Variants in RGS13 observed in about 807,000 individuals in gnomAD.
The protein encoded by RGS13 is regulator of G-protein signalling 13.
A neutral mutation model predicts 19.9 loss-of-function variants in RGS13; 14 were observed. The observed-to-expected ratio is 0.70, with a 90% CI of 0.46 to 1.10. The LOEUF (loss-of-function observed/expected upper bound fraction) is 1.10, where lower values mean the gene tolerates loss of function less well. Among genes scored for constraint, RGS13 ranks in the 50% least tolerant of loss-of-function variants. The pLI is 0.00. For missense variants in RGS13, 205 were observed against 187.1 expected (o/e 1.10, Z -0.56); for synonymous variants, 60 against 56.8 (o/e 1.06, Z -0.25).
At chr1:192,656,221 T>C (rs1434866070) in intron 5 of RGS13, among the ~76,000 whole-genome samples, 1 of 152,104 alleles carries the variant, frequency 6.6e-6, no homozygotes, top group East Asian at 1.9e-4. Flanking sequence ...TGACAGACTC[T>C]CATTCCATGA....
chr1:192,658,815 A>G (rs1663494485), intron 6 of RGS13: 1 of 164,728 alleles, frequency 6.1e-6, no homozygotes, highest in Admixed American at 5.9e-5. Context: ...GTACAGGGCA[A>G]GCCTACATTG....
At chr1:192,637,741 A>G (rs534030786) in intron 2 of RGS13, 81 bp downstream of exon 2, 24 of 152,116 alleles carry the variant, frequency 1.6e-4, no homozygotes, top group African/African-American at 5.5e-4. Flanking sequence ...CTTTTTGCCA[A>G]AGTAGATTTG....
chr1:192,647,211 T>A (rs1030438627), intron 4 of RGS13: 2 of 152,164 alleles, frequency 1.3e-5, no homozygotes, highest in Admixed American at 6.6e-5. Flanking sequence ...TGCATAACCC[T>A]TTTAAAAGCA....
intron 3 of RGS13, among the ~76,000 whole-genome samples, chr1:192,643,167 C>T (rs1663155952): frequency 6.6e-6 from 1 of 151,832 alleles, no homozygotes; most frequent in Admixed American, 6.6e-5. Flanking sequence ...CAGCCCATCA[C>T]ATGTATTTTA....
intron 3 of RGS13, among the ~76,000 whole-genome samples, chr1:192,641,220 G>GAA (rs1663102125): frequency 7.4e-5 from 4 of 53,928 alleles, no homozygotes; most frequent in South Asian, 5.9e-4. Context: ...AAGAAAGAAA[G>GAA]AGAGAAAGAA....
At chr1:192,645,161 C>A (rs1014598979) in intron 4 of RGS13, 110 of 152,398 alleles carry the variant, frequency 7.2e-4, no homozygotes, top group African/African-American at 2.5e-3. Flanking sequence ...TTTTAAATGA[C>A]AGTGAATGCT....
intron 5 of RGS13, among the ~76,000 whole-genome samples, chr1:192,657,034 C>T (rs959665386): frequency 5.9e-5 from 9 of 152,016 alleles, no homozygotes; most frequent in Non-Finnish European, 1.0e-4. Context: ...TAATCAAAAT[C>T]CTACGCTTTT....
chr1:192,654,087 A>C (rs1663393938), intron 5 of RGS13, among the ~76,000 whole-genome samples: 1 of 151,896 alleles, frequency 6.6e-6, no homozygotes, highest in South Asian at 2.1e-4. Context: ...TGTACCCTAG[A>C]ACTTAAAGTA....
Position 192,658,335 on chromosome 1 carries a change from A to C in RGS13, c.262A>C (p.Lys88Gln). 1 of 1,613,404 alleles carries C rather than the reference A, an allele frequency of 6.2e-7. No homozygotes were observed. Among genetic ancestry groups the C allele is most frequent in the Non-Finnish European group, 8.5e-7 (1 of 1,179,682 alleles). The change falls in exon 6 of 7, where the codon AAG becomes CAG. Residue 88 changes from lysine to glutamine, a missense_variant. Transcript: ENST00000391995. ...SRISRAKKLYKIYIQPQSPRE... is the reference protein window; with the variant it reads ...SRISRAKKLYQIYIQPQSPRE... ...AATTTCTAGGGCAAAGAAGCTTTATAAGATTTACATCCAGCCACAGTCCCC... is the reference window on the plus strand; with the variant it reads ...AATTTCTAGGGCAAAGAAGCTTTATCAGATTTACATCCAGCCACAGTCCCC...
chr1:192,645,365 A>G (rs1448207357), intron 4 of RGS13: 1 of 152,222 alleles, frequency 6.6e-6, no homozygotes. Flanking sequence ...GCTGCCAGAT[A>G]ACAGTTATTT....
chr1:192,643,970 A>C (rs1214247323), intron 3 of RGS13, among the ~76,000 whole-genome samples: 2 of 152,086 alleles, frequency 1.3e-5, no homozygotes, highest in African/African-American at 2.4e-5. Context: ...TAAAAATAAA[A>C]ATAAGAATTG....
At chr1:192,650,952 C>T (rs554207732) in intron 5 of RGS13, among the ~76,000 whole-genome samples, 1 of 151,798 alleles carries the variant, frequency 6.6e-6, no homozygotes, top group African/African-American at 2.4e-5. Context: ...AAAATTGGAA[C>T]TCAGTAGGGA....
chr1:192,651,889 C>T (rs556262062), intron 5 of RGS13, among the ~76,000 whole-genome samples: 5 of 152,098 alleles, frequency 3.3e-5, no homozygotes, highest in Non-Finnish European at 5.9e-5. Context: ...TTTAGAGAAC[C>T]ATGATACTAT....
intron 3 of RGS13, among the ~76,000 whole-genome samples, chr1:192,640,584 CG>C (rs1289873512): frequency 6.6e-6 from 1 of 152,122 alleles, no homozygotes; most frequent in Non-Finnish European, 1.5e-5. Flanking sequence ...TATTTGCAAT[CG>C]GAAGAGTCCT....
At chr1:192,647,364 G>A (rs1420212828) in intron 4 of RGS13, 1 of 152,126 alleles carries the variant, frequency 6.6e-6, no homozygotes. Context: ...TTTTTATGGT[G>A]AAAAATGAGA....
chr1:192,638,674 C>T (rs764759785), intron 3 of RGS13, among the ~76,000 whole-genome samples: 34 of 152,136 alleles, frequency 2.2e-4, no homozygotes, highest in Non-Finnish European at 1.6e-4. Context: ...AGTTCCATTT[C>T]CTAAAGGACA....
intron 5 of RGS13, among the ~76,000 whole-genome samples, chr1:192,657,498 T>A (rs1431710803): frequency 6.6e-6 from 1 of 152,054 alleles, no homozygotes; most frequent in Non-Finnish European, 1.5e-5. Flanking sequence ...AAGATCAGAG[T>A]TGAAGATAAG....
At chr1:192,642,617 G>C (rs1663144752) in intron 3 of RGS13, among the ~76,000 whole-genome samples, 1 of 151,910 alleles carries the variant, frequency 6.6e-6, no homozygotes, top group South Asian at 2.1e-4. Context: ...CTGAGCCACA[G>C]TGCTGAGCCT....
intron 4 of RGS13, chr1:192,645,769 G>T (rs998021969): frequency 6.6e-6 from 1 of 151,842 alleles, no homozygotes; most frequent in Non-Finnish European, 1.5e-5. Context: ...GCAAAAATGG[G>T]GTTCAATTAA....
Sources: gnomAD v4.1 joint callset for allele counts (sites outside exome capture counted in the v4.1 genomes callset) on GRCh38, gnomAD v4.1.1 for gene constraint, MANE v1.5 for transcripts, NCBI Gene and HGNC (gene_info 2026-07-23, HGNC 2026-07-21) for gene names.